KCNK17: variants seen among roughly 807,000 people sequenced by gnomAD.
The protein encoded by KCNK17 is potassium two pore domain channel subfamily K member 17, also known as potassium channel subfamily K member 17.
A neutral mutation model predicts 24.6 loss-of-function variants in KCNK17; 27 were observed. The ratio of observed to expected loss-of-function variants is 1.10; its 90% CI spans 0.81 to 1.51. The LOEUF is 1.51. KCNK17 is among the 40% of genes most tolerant of loss of function. The pLI, the probability that KCNK17 is intolerant of heterozygous loss-of-function variation, is 0.00. For synonymous variants in KCNK17, 181 were observed against 189.8 expected, an observed-to-expected ratio of 0.95 and a Z score of 0.38; for missense variants, 450 against 436.6, an observed-to-expected ratio of 1.03 and a Z score of -0.27.
intron 2 of KCNK17, among the ~76,000 whole-genome samples, chr6:39,305,831 C>T (rs10807205): frequency 0.19 from 29,559 of 152,090 alleles, 3,667 homozygotes; most frequent in East Asian, 0.39. Flanking sequence ...GCACCTTTGA[C>T]CACAATGCTT....
intron 1 of KCNK17, among the ~76,000 whole-genome samples, chr6:39,311,221 A>G (rs1362837918): frequency 6.6e-6 from 1 of 151,906 alleles, no homozygotes; most frequent in African/African-American, 2.4e-5. Context: ...AGGTACAGCT[A>G]CTGACAGCTA....
intron 1 of KCNK17, 65 bp from the exon 2 acceptor site, chr6:39,311,072 G>GCATGCACA (rs1762126998): frequency 2.0e-6 from 1 of 491,318 alleles, no homozygotes. Context: ...ACCCCAAGAT[G>GCATGCACA]CACACACACA....
At chr6:39,307,323 C>T (rs1274909288) in intron 2 of KCNK17, among the ~76,000 whole-genome samples, 1 of 152,186 alleles carries the variant, frequency 6.6e-6, no homozygotes, top group Non-Finnish European at 1.5e-5. Context: ...CTGAGGACTT[C>T]AGAAGCCTCT....
intron 2 of KCNK17, among the ~76,000 whole-genome samples, chr6:39,310,089 TAGCCCAAGTCACCAGTGATACC>T (rs1762107397): frequency 6.6e-6 from 1 of 152,124 alleles, no homozygotes; most frequent in African/African-American, 2.4e-5. Flanking sequence ...TGGGAGGCGG[TAGCCCAAGTCACCAGTGATACC>T]AGCCTGCCAC....
chr6:39,302,492 G>A (rs1165494143), intron 4 of KCNK17, among the ~76,000 whole-genome samples: 1 of 152,146 alleles, frequency 6.6e-6, no homozygotes, highest in African/African-American at 2.4e-5. Flanking sequence ...GAGCCAACAG[G>A]GGACAAGGAG....
At chr6:39,313,933 C>T (rs1280988123) in intron 1 of KCNK17, 151 bp downstream of exon 1, 4 of 597,164 alleles carry the variant, frequency 6.7e-6, no homozygotes, top group South Asian at 2.5e-5. Flanking sequence ...GAACGCCCAC[C>T]CCCGTTGTGC....
rs1274372851 is a variant in KCNK17, at chr6:39,299,212, T to C, written c.*215A>G. 1.8e-6 allele frequency: 1 copy of C among 552,710 alleles called. No homozygotes were observed. Among genetic ancestry groups the C allele is most frequent in the East Asian group, 3.0e-5 (1 of 33,412 alleles). 34.2% of individuals were successfully genotyped at this position (552,710 alleles called of 1,614,324 possible). The stretch of plus-strand genomic sequence containing the variant: ...ATTGCAGCCCGCTAAAGTAAGGAAG[T>C]GGGGGAGAAGGGCATGCTGCCCCGA... On this transcript the variant is annotated 3_prime_UTR_variant, in exon 5 of 5. Coordinates refer to ENST00000373231, the MANE Select transcript of KCNK17 (RefSeq NM_031460.4).
In KCNK17 at chr6:39,299,110, T is replaced by C; in HGVS notation, c.*317A>G. 1 of 359,218 alleles carries C rather than the reference T, an allele frequency of 2.8e-6. No individual in the cohort carries two copies. Among genetic ancestry groups the C allele is most frequent in the Non-Finnish European group, 5.1e-6 (1 of 196,772 alleles). The allele number at this position is 359,218 out of a possible 1,614,324, so 22.3% of individuals were successfully genotyped here. ...TCAGAGATCCAGACTCTTCCTATCT[T>C]ATTGTGCCGCTCAAACATTGCCGCT... On this transcript the variant is annotated 3_prime_UTR_variant, in exon 5 of 5. Transcript: ENST00000373231.
At chr6:39,304,242 C>A (rs1761996326) in intron 3 of KCNK17, 111 bp from the exon 4 acceptor site, 4 of 1,086,666 alleles carry the variant, frequency 3.7e-6, no homozygotes, top group Non-Finnish European at 5.3e-6. Flanking sequence ...GGGCTCTTCA[C>A]CTGGTCTGTG....
intron 4 of KCNK17, among the ~76,000 whole-genome samples, chr6:39,301,417 C>G (rs1189180282): frequency 2.0e-5 from 3 of 152,262 alleles, no homozygotes; most frequent in African/African-American, 7.2e-5. Context: ...CTAGGACCCC[C>G]ACATGGGGAT....
chr6:39,310,866 A>AACCCCAG, intron 2 of KCNK17, 27 bp downstream of exon 2: 1 of 756,856 alleles, frequency 1.3e-6, no homozygotes, highest in Non-Finnish European at 2.2e-6. Flanking sequence ...CCCCACCCCC[A>AACCCCAG]TCCCCCTGGC....
Position 39,314,078 on chromosome 6 carries a change from C to G in KCNK17, c.237+6G>C, listed in dbSNP as rs769190726. 51 of 1,573,614 alleles carry G rather than the reference C, an allele frequency of 3.2e-5. No individual in the cohort carries two copies. The South Asian group carries it at 4.4e-4, about 13-fold the overall frequency. ...CGCGCCCAGGCCGACGCCGCTCGCC[C>G]CTGACCCGGATCAGCGAGTCCAGCG... On this transcript the variant is annotated splice_donor_region_variant and intron_variant, in intron 1 of 4. Coordinates refer to ENST00000373231, the MANE Select transcript of KCNK17 (RefSeq NM_031460.4).
rs1761911510 is a variant in KCNK17, at chr6:39,299,473, T to C, written c.953A>G (p.His318Arg). 6.2e-7 allele frequency: 1 copy of C among 1,614,188 alleles called. No homozygotes were observed. Residue 318 changes from histidine to arginine, a missense_variant, in exon 5 of 5, where the codon CAT (histidine) becomes CGT (arginine). By Grantham distance (29) the His-to-Arg change is conservative (BLOSUM62 0). Transcript: ENST00000373231. ...TGCAGCGTGAGCAGAAGGTTCCAGA[T>C]GCTGTATGATTCCCATGGGTCCCTC... Reference protein sequence around the residue: ...YPEGPMGIIQHLEPSAHAAGC... With the variant: ...YPEGPMGIIQRLEPSAHAAGC...
At chr6:39,312,643 CAAAT>C (rs1405588285) in intron 1 of KCNK17, among the ~76,000 whole-genome samples, 16 of 152,188 alleles carry the variant, frequency 1.1e-4, no homozygotes, top group South Asian at 2.1e-4. Context: ...GGAGGTGAGA[CAAAT>C]GAATACGGGT....
At chr6:39,299,873 G>T in intron 4 of KCNK17, 136 bp from the exon 5 acceptor site, 1 of 881,754 alleles carries the variant, frequency 1.1e-6, no homozygotes. Flanking sequence ...GAGACTCCTA[G>T]CCTCATGGTC....
At chr6:39,302,182 TG>T (rs1761961128) in intron 4 of KCNK17, among the ~76,000 whole-genome samples, 1 of 152,114 alleles carries the variant, frequency 6.6e-6, no homozygotes, top group Admixed American at 6.5e-5. Flanking sequence ...TCCATAGATG[TG>T]GTGAAGGGAG....
Position 39,310,953 on chromosome 6 carries a change from T to C in KCNK17, c.292A>G (p.Met98Val), listed in dbSNP as rs1169240109. ...GAGCCCACGAGCTCCCAGCGCCCCA[T>C]GCTGGTGGTGTTGCTGAGGAGGCTG... ...GASLLSNTTSMGRWELVGSFF... is the reference protein window; with the variant it reads ...GASLLSNTTSVGRWELVGSFF... Residue 98 changes from methionine to valine, a missense_variant, in exon 2 of 5, where the codon ATG becomes GTG. By Grantham distance (21) the Met-to-Val change is conservative. Coordinates refer to ENST00000373231, the MANE Select transcript of KCNK17 (RefSeq NM_031460.4). The C allele has an allele frequency of 1.3e-5, 20 of 1,544,048 alleles. No individual in the cohort carries two copies. The highest frequency in any genetic ancestry group is 1.8e-5 in the Non-Finnish European group (20 of 1,135,368).
Position 39,299,911 on chromosome 6 carries a change from C to T in KCNK17, c.689-174G>A, listed in dbSNP as rs1395698034. 2.0e-5 allele frequency among the ~76,000 whole-genome samples: 3 copies of T among 152,344 alleles called. No homozygotes were observed. The East Asian group carries it at 5.8e-4, about 29-fold the overall frequency. ...CTCCGAAGGATTCCAGAAAGCCTCC[C>T]TGGATTGGCACTTGGGTTTAGGAGC... On this transcript the variant is annotated intron_variant, in intron 4 of 4. Coordinates refer to ENST00000373231, the MANE Select transcript of KCNK17 (RefSeq NM_031460.4).
chr6:39,303,799 G>A (rs137971056), intron 4 of KCNK17, among the ~76,000 whole-genome samples, 158 bp downstream of exon 4: 353 of 152,310 alleles, frequency 2.3e-3, no homozygotes, highest in African/African-American at 3.2e-3. Flanking sequence ...CCTCAGACCC[G>A]TCACACAACA....
Sources: gnomAD v4.1 joint callset for allele counts (sites outside exome capture counted in the v4.1 genomes callset) on GRCh38, gnomAD v4.1.1 for gene constraint, MANE v1.5 for transcripts, NCBI Gene and HGNC (gene_info 2026-07-23, HGNC 2026-07-21) for gene names.